ACP6: variants seen among roughly 807,000 people sequenced by gnomAD.
ACP6 encodes acid phosphatase 6, lysophosphatidic, also known as lysophosphatidic acid phosphatase type 6.
ACP6 carries 48 observed loss-of-function variants against 48.1 expected under a neutral mutation model. The ratio of observed to expected loss-of-function variants is 1.00; its 90% CI spans 0.79 to 1.27. The LOEUF is 1.27. Ranked by LOEUF, ACP6 falls within the 50% of genes most tolerant of loss-of-function variation. The pLI is 0.00. For missense variants in ACP6, 485 were observed against 529.1 expected (o/e 0.92, Z 0.82); for synonymous variants, 172 against 204.2 (o/e 0.84, Z 1.34).
intron 9 of ACP6, 147 bp from the exon 10 acceptor site, chr1:147,647,713 G>A (rs1301244455): frequency 5.7e-6 from 6 of 1,044,302 alleles, no homozygotes; most frequent in African/African-American, 4.8e-5. Context: ...TACCCGGTGA[G>A]CTTCCAGAAT....
chr1:147,642,029 A>T (rs1659468245), downstream of ACP6, among the ~76,000 whole-genome samples: 1 of 152,228 alleles, frequency 6.6e-6, no homozygotes, highest in Admixed American at 6.5e-5. Flanking sequence ...AACAACCCTA[A>T]TTAGTACGTA....
chr1:147,656,297 G>C (rs782222115), intron 4 of ACP6, among the ~76,000 whole-genome samples: 2 of 152,118 alleles, frequency 1.3e-5, no homozygotes, highest in Admixed American at 6.5e-5. Flanking sequence ...CAAAGGGGTA[G>C]GACTATATCA....
chr1:147,640,837 G>A (rs1483124478), downstream of ACP6, among the ~76,000 whole-genome samples: 1 of 152,172 alleles, frequency 6.6e-6, no homozygotes, highest in Non-Finnish European at 1.5e-5. Context: ...GTGTTTTTCA[G>A]TTCTCCCCAG....
In ACP6 at chr1:147,659,642, C is replaced by T. The variant is rs79500703; in HGVS notation, c.348+5G>A. 2.5e-4 allele frequency: 399 copies of T among 1,614,114 alleles called. 2 individuals carry two copies. The East Asian group carries it at 6.6e-3, about 27-fold the overall frequency. ...GGCTCCCCAGAGCAAGGAAGCATTG[C>T]TCACCTTCAGGGTGGTCTCATGGTA... On this transcript the variant is annotated splice_donor_5th_base_variant and intron_variant, in intron 2 of 9. Coordinates refer to ENST00000583509, the MANE Select transcript of ACP6 (RefSeq NM_016361.5).
exon 6 of ACP6, chr1:147,630,530 T>A (rs587599940): frequency 2.0e-5 from 3 of 152,168 alleles, no homozygotes; most frequent in Non-Finnish European, 4.4e-5. Flanking sequence ...ACTTCCCACA[T>A]AGAAGCTCAA....
downstream of ACP6, chr1:147,642,133 C>T (rs1271060402): frequency 1.3e-5 from 2 of 152,152 alleles, no homozygotes; most frequent in African/African-American, 4.8e-5. Flanking sequence ...GAATTTGAAC[C>T]CAGCGAAAGC....
exon 6 of ACP6, chr1:147,630,743 A>G (rs782521992): frequency 4.6e-5 from 7 of 152,294 alleles, no homozygotes; most frequent in African/African-American, 1.7e-4. Context: ...GTTCAGTCAA[A>G]ATGTATTTGA....
rs1557878387 is a variant in ACP6 at position 147,647,581 on chromosome 1, T to TC, written c.1144-16_1144-15insG. On this transcript the variant is annotated splice_polypyrimidine_tract_variant and intron_variant, in intron 9 of 9. Transcript: ENST00000583509. The stretch of plus-strand genomic sequence containing the variant: ...GGCACCTGCTCCTGCAGAAGAAACA[T>TC]AACTCAGCAGGTCCGCCGAGGAACC... The TC allele has an allele frequency of 1.2e-6, 2 of 1,610,014 alleles. No individual in the cohort carries two copies. The highest frequency in any genetic ancestry group is 1.7e-6 in the Non-Finnish European group (2 of 1,179,616).
At chr1:147,651,035 C>G (rs1431964671) in intron 7 of ACP6, 1 of 151,736 alleles carries the variant, frequency 6.6e-6, no homozygotes, top group Non-Finnish European at 1.5e-5. Flanking sequence ...CAGCCACTGA[C>G]AAATGAAAAC....
chr1:147,652,154 T>A, intron 7 of ACP6: 1 of 340,594 alleles, frequency 2.9e-6, no homozygotes, highest in African/African-American at 2.1e-5. Context: ...TTTCTTCAGC[T>A]CCCCCCACCC....
chr1:147,637,054 C>A (rs1553208099), intron 5 of ACP6, among the ~76,000 whole-genome samples: 2 of 152,204 alleles, frequency 1.3e-5, no homozygotes, highest in African/African-American at 4.8e-5. Context: ...TAAGGTTACA[C>A]TGGGGTCACC....
downstream of ACP6, among the ~76,000 whole-genome samples, chr1:147,639,256 ATTG>A (rs1201270319): frequency 6.6e-6 from 1 of 152,124 alleles, no homozygotes; most frequent in Non-Finnish European, 1.5e-5. Context: ...ATATTTCCCC[ATTG>A]TTCCATAATG....
intron 1 of ACP6, among the ~76,000 whole-genome samples, chr1:147,669,549 A>G (rs1214428302): frequency 6.6e-6 from 1 of 152,236 alleles, no homozygotes; most frequent in Non-Finnish European, 1.5e-5. Context: ...AGAATCTGCA[A>G]CGTAGCAGGA....
chr1:147,655,323 T>C, intron 4 of ACP6, 75 bp from the exon 5 acceptor site: 11 of 1,093,274 alleles, frequency 1.0e-5, no homozygotes, highest in Non-Finnish European at 1.5e-5. Context: ...CCCCTTCTCT[T>C]TGTCTACAGA....
intron 4 of ACP6, among the ~76,000 whole-genome samples, chr1:147,657,670 C>T (rs1488094678): frequency 1.3e-5 from 2 of 152,164 alleles, no homozygotes; most frequent in Non-Finnish European, 2.9e-5. Flanking sequence ...CCACCCGCCT[C>T]AGCCTCCCAA....
downstream of ACP6, among the ~76,000 whole-genome samples, chr1:147,641,999 T>C (rs1261159676): frequency 2.0e-5 from 3 of 152,180 alleles, no homozygotes; most frequent in Non-Finnish European, 4.4e-5. Context: ...CACTTATACG[T>C]TTCCTTAATT....
Position 147,670,107 on chromosome 1 carries a change from T to C in ACP6, c.-59A>G, listed in dbSNP as rs1661021037. The C allele has an allele frequency of 1.4e-6, 2 of 1,418,542 alleles. No individual in the cohort carries two copies. The highest frequency in any genetic ancestry group is 2.6e-5 in the Admixed American group (1 of 38,364). The allele number at this position is 1,418,542 out of a possible 1,614,324, so 87.9% of individuals were successfully genotyped here. On this transcript the variant is annotated 5_prime_UTR_variant, in exon 1 of 10. Transcript: ENST00000583509. Reference sequence around the variant, plus strand: ...CTGCAGGAGGCAAACACAAGTCTTCTGCGGGCGCCGGGGCTCAGCGGGCGC... The same window carrying C: ...CTGCAGGAGGCAAACACAAGTCTTCCGCGGGCGCCGGGGCTCAGCGGGCGC...
chr1:147,652,645 C>A (rs1553210788), intron 6 of ACP6, 96 bp from the exon 7 acceptor site: 2 of 1,606,218 alleles, frequency 1.2e-6, no homozygotes, highest in South Asian at 1.1e-5. Context: ...AGCCCATCTT[C>A]TCCTGGGGAA....
chr1:147,652,333 C>T (rs1272293767), intron 7 of ACP6, 116 bp downstream of exon 7: 1 of 1,067,472 alleles, frequency 9.4e-7, no homozygotes, highest in South Asian at 1.7e-5. Flanking sequence ...GGTTCAGCCT[C>T]CTTACACGAG....
Sources: allele counts gnomAD v4.1 joint callset (sites outside exome capture counted in the v4.1 genomes callset), GRCh38; gene constraint gnomAD v4.1.1; transcripts MANE v1.5; gene names NCBI Gene and HGNC (gene_info 2026-07-23, HGNC 2026-07-21).